SLC22A24: variants seen among roughly 807,000 people sequenced by gnomAD.
SLC22A24 encodes the protein steroid transmembrane transporter SLC22A24.
A neutral mutation model predicts 49.8 loss-of-function variants in SLC22A24; 53 were observed. The observed-to-expected ratio is 1.06, with a 90% CI of 0.85 to 1.34. SLC22A24 has a LOEUF of 1.34. Among genes scored for constraint, SLC22A24 ranks in the 40% most tolerant of loss-of-function variants. The pLI, the probability that SLC22A24 is intolerant of heterozygous loss-of-function variation, is 0.00. For synonymous variants in SLC22A24, 302 were observed against 256.4 expected (o/e 1.18, Z -1.70); for missense variants, 786 against 675.9 (o/e 1.16, Z -1.81).
intron 6 of SLC22A24, among the ~76,000 whole-genome samples, chr11:63,087,968 G>T (rs563032450): frequency 1.3e-5 from 2 of 152,134 alleles, no homozygotes; most frequent in Non-Finnish European, 2.9e-5. Context: ...GGGAAGGAGT[G>T]GCTGTGGGCG....
intron 2 of SLC22A24, among the ~76,000 whole-genome samples, chr11:63,120,056 TC>T: frequency 6.6e-6 from 1 of 151,606 alleles, no homozygotes; most frequent in Non-Finnish European, 1.5e-5. Flanking sequence ...GAAAATTTTC[TC>T]CGATTTTGTA....
rs189052900 is a variant in SLC22A24, at chr11:63,132,940, C to T, written c.506+1725G>A. ...GAATCTAGAGAGGCAGTAGTCCTTACGGAGCTACGGTGGGCTCTGCCCAGT... is the reference window on the plus strand; with the variant it reads ...GAATCTAGAGAGGCAGTAGTCCTTATGGAGCTACGGTGGGCTCTGCCCAGT... On this transcript the variant is annotated intron_variant, in intron 2 of 9. Coordinates refer to ENST00000612278, the MANE Select transcript of SLC22A24 (RefSeq NM_001136506.2). Among the ~76,000 whole-genome samples the T allele has an allele frequency of 1.4e-3, 206 of 152,328 alleles. 3 individuals carry two copies. Among genetic ancestry groups the T allele is most frequent in the African/African-American group, 4.2e-3 (174 of 41,578 alleles).
chr11:63,118,991 G>A lies in SLC22A24; in HGVS notation c.751C>T (p.Leu251=). The A allele has an allele frequency of 6.4e-7, 1 of 1,551,782 alleles. No homozygotes were observed. ...YSVGQMLLGG[L]AFAIQDWHIL... is the part of the protein sequence containing the mutation. Reference sequence around the variant, plus strand: ...TGCCAGTCCTGAATGGCAAAAGCCAGCCCTCCTAGGAGCATCTGCCCAACA... The same window carrying A: ...TGCCAGTCCTGAATGGCAAAAGCCAACCCTCCTAGGAGCATCTGCCCAACA... The change falls in exon 4 of 10, where the codon CTG becomes TTG. Residue 251 remains leucine (L), a synonymous_variant. Transcript: ENST00000612278.
At chr11:63,142,584 T>G (rs1324401321) in intron 1 of SLC22A24, among the ~76,000 whole-genome samples, 1 of 152,176 alleles carries the variant, frequency 6.6e-6, no homozygotes. Context: ...GAAATTATCA[T>G]TTAGTAGTCA....
chr11:63,093,823 A>T (rs2087035412), intron 6 of SLC22A24, among the ~76,000 whole-genome samples: 1 of 152,136 alleles, frequency 6.6e-6, no homozygotes, highest in African/African-American at 2.4e-5. Context: ...ACAAACCTGC[A>T]CATGTGCCCT....
At chr11:63,088,903 G>T (rs1055114707) in intron 6 of SLC22A24, among the ~76,000 whole-genome samples, 5 of 151,950 alleles carry the variant, frequency 3.3e-5, no homozygotes, top group African/African-American at 1.2e-4. Context: ...AATGAACAAA[G>T]CCTCCAAGAA....
At chr11:63,081,196 C>G (rs1476627416) in intron 8 of SLC22A24, 73 bp from the exon 9 acceptor site, 23 of 1,276,420 alleles carry the variant, frequency 1.8e-5, no homozygotes, top group Non-Finnish European at 2.3e-5. Flanking sequence ...ATCATTATTT[C>G]TTTATGGGGA....
At chr11:63,092,061 A>T (rs1017306187) in intron 6 of SLC22A24, among the ~76,000 whole-genome samples, 2 of 152,194 alleles carry the variant, frequency 1.3e-5, no homozygotes, top group Non-Finnish European at 2.9e-5. Flanking sequence ...AAGTCTCAGG[A>T]TACAAAATCA....
intron 6 of SLC22A24, among the ~76,000 whole-genome samples, chr11:63,094,535 A>T (rs2087040977): frequency 6.6e-6 from 1 of 152,198 alleles, no homozygotes; most frequent in African/African-American, 2.4e-5. Context: ...TTCTAGTTCT[A>T]GATCCCTGAG....
Position 63,118,970 on chromosome 11 carries a change from A to T in SLC22A24, c.772T>A (p.Trp258Arg), listed in dbSNP as rs930581348. ...LGGLAFAIQD[W>R]HILQLTVSTP... ...GACACAGTCAGTTGCAATATGTGCC[A>T]GTCCTGAATGGCAAAAGCCAGCCCT... Residue 258 changes from tryptophan (W) to arginine (R), a missense_variant, in exon 4 of 10, where the codon TGG (tryptophan) becomes AGG (arginine). Transcript: ENST00000612278. The T allele has an allele frequency of 1.1e-5, 17 of 1,552,024 alleles. No individual in the cohort carries two copies. Among genetic ancestry groups the T allele is most frequent in the Non-Finnish European group, 1.5e-5 (17 of 1,147,034 alleles).
intron 6 of SLC22A24, among the ~76,000 whole-genome samples, chr11:63,093,238 G>C (rs542836801): frequency 6.6e-6 from 1 of 152,306 alleles, no homozygotes; most frequent in Admixed American, 6.5e-5. Flanking sequence ...TACACTGTTT[G>C]TGGGAGTGTA....
chr11:63,126,789 G>A (rs973508876), intron 2 of SLC22A24, among the ~76,000 whole-genome samples: 2 of 152,150 alleles, frequency 1.3e-5, no homozygotes, highest in Non-Finnish European at 2.9e-5. Flanking sequence ...TTTTATCCAT[G>A]AGCATGGAAT....
At chr11:63,115,994 C>A (rs1360102123) in intron 4 of SLC22A24, 1 of 326,988 alleles carries the variant, frequency 3.1e-6, no homozygotes, top group Non-Finnish European at 5.8e-6. Flanking sequence ...ACTGCCCGAG[C>A]CCCTTGACAA....
intron 2 of SLC22A24, among the ~76,000 whole-genome samples, chr11:63,126,873 G>A (rs920685190): frequency 1.3e-5 from 2 of 152,154 alleles, no homozygotes; most frequent in Non-Finnish European, 2.9e-5. Context: ...CAGATCCCTT[G>A]TAAGTTGTAT....
At position 63,083,352 on chromosome 11, in the gene SLC22A24, G is replaced by T; in HGVS notation, c.1176C>A (p.Ala392=). Residue 392 remains alanine (A), a synonymous_variant, in exon 7 of 10, where the codon GCC becomes GCA. Transcript: ENST00000612278. ...TCAGTGTCAAAAGGGAAACACATCTGGCTGTGAATGTGACAGCTCCACAGA... is the reference window on the plus strand; with the variant it reads ...TCAGTGTCAAAAGGGAAACACATCTTGCTGTGAATGTGACAGCTCCACAGA... ...QILCGAVTFT[A]RCVSLLTLNH... is the part of the protein sequence containing the mutation. The T allele has an allele frequency of 6.4e-7, 1 of 1,553,560 alleles. No homozygotes were observed. Among genetic ancestry groups the T allele is most frequent in the Non-Finnish European group, 8.7e-7 (1 of 1,147,738 alleles).
intron 6 of SLC22A24, among the ~76,000 whole-genome samples, chr11:63,090,663 C>CAATAAATAAATA (rs58585722): frequency 0.51 from 70,658 of 137,578 alleles, 19,183 homozygotes; most frequent in South Asian, 0.67. Flanking sequence ...ACTTAAAGTA[C>CAATAAATAAATA]AATAAATAAA....
intron 2 of SLC22A24, among the ~76,000 whole-genome samples, chr11:63,127,984 A>C (rs958473414): frequency 8.6e-5 from 13 of 151,018 alleles, no homozygotes; most frequent in African/African-American, 3.2e-4. Flanking sequence ...TGTGGGCGGC[A>C]AGCCACCCAG....
chr11:63,128,406 G>T (rs952864701), intron 2 of SLC22A24, among the ~76,000 whole-genome samples: 1 of 152,012 alleles, frequency 6.6e-6, no homozygotes, highest in East Asian at 1.9e-4. Context: ...ACTGGGAAAG[G>T]GATTCTCCCT....
At chr11:63,083,487 T>A (rs1189365954) in intron 6 of SLC22A24, 30 bp from the exon 7 acceptor site, 1 of 1,498,220 alleles carries the variant, frequency 6.7e-7, no homozygotes, top group Non-Finnish European at 9.1e-7. Flanking sequence ...CAAAGACATA[T>A]TCAATAAGAT....
Sources: allele counts gnomAD v4.1 joint callset (sites outside exome capture counted in the v4.1 genomes callset), GRCh38; gene constraint gnomAD v4.1.1; transcripts MANE v1.5; gene names NCBI Gene and HGNC (gene_info 2026-07-23, HGNC 2026-07-21).